The following SLC9A9 variants were observed in gnomAD, a reference collection of about 807,000 sequenced individuals.
The protein encoded by SLC9A9 is solute carrier family 9 member A9.
SLC9A9 carries 62 observed loss-of-function variants against 77.8 expected under a neutral mutation model. The observed-to-expected ratio is 0.80, with a 90% CI of 0.65 to 0.98. SLC9A9 has a LOEUF of 0.98. SLC9A9 is among the 50% of genes least tolerant of loss of function. SLC9A9 has a pLI of 0.00. For synonymous variants in SLC9A9, 320 were observed against 283.5 expected (o/e 1.13, Z -1.29); for missense variants, 775 against 774.9 (o/e 1.00, Z 0.00).
rs181758090 is a variant in SLC9A9 at position 143,583,171 on chromosome 3, T to A, written c.756-4448A>T. Among the ~76,000 whole-genome samples, 1,002 of 151,784 alleles carry A rather than the reference T, an allele frequency of 6.6e-3. 5 individuals are homozygous for A. Among genetic ancestry groups the A allele is most frequent in the Non-Finnish European group, 0.01 (681 of 67,922 alleles). Reference sequence around the variant, plus strand: ...TTGTCTCAAAATAAATAAATAAAAATATATATAAATTAAAATTTAAAAATA... The same window carrying A: ...TTGTCTCAAAATAAATAAATAAAAAAATATATAAATTAAAATTTAAAAATA... On this transcript the variant is annotated intron_variant, in intron 6 of 15. Transcript: ENST00000316549.
chr3:143,411,129 C>T (rs2034089600), intron 12 of SLC9A9, among the ~76,000 whole-genome samples: 1 of 152,122 alleles, frequency 6.6e-6, no homozygotes, highest in South Asian at 2.1e-4. Flanking sequence ...CTACAGGTGT[C>T]ATTTCGGTGT....
Position 143,495,355 on chromosome 3 carries a change from G to C in SLC9A9, c.1183C>G (p.Leu395Val), listed in dbSNP as rs757939818. Residue 395 changes from leucine (L) to valine (V), a missense_variant, in exon 10 of 16, where the codon CTT (leucine) becomes GTT (valine). Leu to Val is a conservative substitution (Grantham distance 32, BLOSUM62 1). Coordinates refer to ENST00000316549, the MANE Select transcript of SLC9A9 (RefSeq NM_173653.4). ...FTFQNHIFNA[L>V]FILGAFLAIF... ...GATACAAAGGCTCCAAGTATAAAAA[G>C]AGCATTAAAGATATGATTCTGGAAC... The C allele has an allele frequency of 1.2e-6, 2 of 1,613,634 alleles. No homozygotes were observed. The highest frequency in any genetic ancestry group is 1.7e-6 in the Non-Finnish European group (2 of 1,179,562).
intron 12 of SLC9A9, 84 bp downstream of exon 12, chr3:143,466,953 C>T: frequency 5.3e-6 from 8 of 1,522,148 alleles, no homozygotes; most frequent in Non-Finnish European, 7.2e-6. Context: ...TGCCACTGTA[C>T]TATTGACTAA....
At chr3:143,344,448 A>G (rs1039900673) in intron 14 of SLC9A9, 1 of 152,168 alleles carries the variant, frequency 6.6e-6, no homozygotes, top group African/African-American at 2.4e-5. Flanking sequence ...TAATATATTA[A>G]GAGACACCTC....
intron 12 of SLC9A9, among the ~76,000 whole-genome samples, chr3:143,382,639 A>G (rs2033334044): frequency 6.6e-6 from 1 of 152,236 alleles, no homozygotes. Flanking sequence ...TAATACAAAA[A>G]TATAAACACA....
chr3:143,305,728 C>T (rs1389785865), intron 14 of SLC9A9, among the ~76,000 whole-genome samples: 1 of 152,150 alleles, frequency 6.6e-6, no homozygotes, highest in Non-Finnish European at 1.5e-5. Context: ...TTTAAAGCCC[C>T]TCACCAAAAC....
At chr3:143,532,684 T>A (rs1250910868) in intron 9 of SLC9A9, among the ~76,000 whole-genome samples, 1 of 152,176 alleles carries the variant, frequency 6.6e-6, no homozygotes, top group Non-Finnish European at 1.5e-5. Context: ...CGGTAAAATG[T>A]AGCCGACATG....
intron 12 of SLC9A9, among the ~76,000 whole-genome samples, chr3:143,465,976 G>T (rs770575006): frequency 5.9e-5 from 9 of 152,136 alleles, no homozygotes; most frequent in South Asian, 2.1e-4. Flanking sequence ...TGAGCATAAG[G>T]TTTCTTATAC....
chr3:143,641,760 G>A (rs1352348786), intron 6 of SLC9A9, among the ~76,000 whole-genome samples: 1 of 152,228 alleles, frequency 6.6e-6, no homozygotes, highest in Non-Finnish European at 1.5e-5. Context: ...AGTGAAAATT[G>A]CATTGCTCTA....
intron 6 of SLC9A9, among the ~76,000 whole-genome samples, chr3:143,626,587 A>G (rs2038332252): frequency 6.9e-6 from 1 of 145,518 alleles, no homozygotes; most frequent in African/African-American, 2.5e-5. Flanking sequence ...GGACACAGGA[A>G]GGGGAACATC....
At chr3:143,363,637 C>A in intron 13 of SLC9A9, 74 bp from the exon 14 acceptor site, 1 of 1,353,568 alleles carries the variant, frequency 7.4e-7, no homozygotes, top group Non-Finnish European at 1.0e-6. Context: ...CATGTCAAAC[C>A]AAGTTAAATT....
chr3:143,439,991 T>C (rs2034698325), intron 12 of SLC9A9, among the ~76,000 whole-genome samples: 1 of 152,234 alleles, frequency 6.6e-6, no homozygotes, highest in Non-Finnish European at 1.5e-5. Context: ...AGCCTGCCTC[T>C]GACATTGTTG....
chr3:143,742,868 C>T (rs1373672770), intron 4 of SLC9A9, among the ~76,000 whole-genome samples: 1 of 151,994 alleles, frequency 6.6e-6, no homozygotes, highest in Non-Finnish European at 1.5e-5. Flanking sequence ...ACTCTTTGTA[C>T]TATGTGCTCA....
chr3:143,325,398 C>T (rs2031561951), intron 14 of SLC9A9, among the ~76,000 whole-genome samples: 1 of 152,220 alleles, frequency 6.6e-6, no homozygotes, highest in Non-Finnish European at 1.5e-5. Context: ...TCTCTCATTT[C>T]CTAACCCTCT....
At chr3:143,371,117 G>A (rs1240637392) in intron 13 of SLC9A9, among the ~76,000 whole-genome samples, 1 of 152,108 alleles carries the variant, frequency 6.6e-6, no homozygotes, top group African/African-American at 2.4e-5. Context: ...GTCCTTGGTT[G>A]AACACTGACC....
intron 14 of SLC9A9, among the ~76,000 whole-genome samples, chr3:143,284,074 A>G (rs16853335): frequency 0.11 from 16,057 of 151,422 alleles, 1,259 homozygotes; most frequent in African/African-American, 0.22. Context: ...TCACAGATCC[A>G]GATTTAAGCC....
chr3:143,703,109 A>G (rs1027133323), intron 4 of SLC9A9, among the ~76,000 whole-genome samples: 8 of 152,106 alleles, frequency 5.3e-5, no homozygotes, highest in Non-Finnish European at 1.0e-4. Context: ...GATAGACCCC[A>G]ATACAATAAT....
intron 3 of SLC9A9, among the ~76,000 whole-genome samples, chr3:143,795,354 G>A (rs1274219177): frequency 6.6e-6 from 1 of 151,758 alleles, no homozygotes; most frequent in African/African-American, 2.4e-5. Flanking sequence ...AGAACTGGCT[G>A]GACCTGAGAG....
intron 12 of SLC9A9, among the ~76,000 whole-genome samples, chr3:143,393,036 T>G (rs540443855): frequency 1.3e-5 from 2 of 152,174 alleles, no homozygotes; most frequent in South Asian, 4.2e-4. Context: ...GACAGATAAA[T>G]GAGACAGAAA....
Sources: gnomAD v4.1 joint callset for allele counts (sites outside exome capture counted in the v4.1 genomes callset) on GRCh38, gnomAD v4.1.1 for gene constraint, MANE v1.5 for transcripts, NCBI Gene and HGNC (gene_info 2026-07-23, HGNC 2026-07-21) for gene names.